Variants in PREX1 observed in about 807,000 individuals in gnomAD.
The protein encoded by PREX1 is phosphatidylinositol-3,4,5-trisphosphate dependent Rac exchange factor 1, also known as phosphatidylinositol 3,4,5-trisphosphate-dependent Rac exchanger 1 protein.
PREX1 carries 41 observed loss-of-function variants against 198.3 expected under a neutral mutation model. That is an observed-to-expected ratio of 0.21 (90% CI 0.16 to 0.27). The LOEUF (loss-of-function observed/expected upper bound fraction) is 0.27, where lower values mean the gene tolerates loss of function less well. Among genes scored for constraint, PREX1 ranks in the 10% least tolerant of loss-of-function variants. The pLI, the probability that PREX1 is intolerant of heterozygous loss-of-function variation, is 1.00. For missense variants in PREX1, 1,620 were observed against 2,200.7 expected, an observed-to-expected ratio of 0.74 and a Z score of 5.28; for synonymous variants, 843 against 887.2, an observed-to-expected ratio of 0.95 and a Z score of 0.89.
rs2089366647 is a variant in PREX1 at position 48,636,616 on chromosome 20, G to A, written c.4014C>T (p.Phe1338=). The change falls in exon 32 of 40, where the codon TTC becomes TTT. Residue 1338 remains phenylalanine, a synonymous_variant. Coordinates refer to ENST00000371941, the MANE Select transcript of PREX1 (RefSeq NM_020820.4). ...CCAGGGCCGCCAGCAGCTGCTTGGA[G>A]AAGGTGCACACGGCGGCCACCAGGG... is the stretch of plus-strand genomic sequence containing the variant. ...CQALVAAVCT[F]SKQLLAALGY... The A allele has an allele frequency of 6.2e-7, 1 of 1,611,790 alleles. No individual in the cohort carries two copies. Among genetic ancestry groups the A allele is most frequent in the Non-Finnish European group, 8.5e-7 (1 of 1,179,614 alleles).
rs2089285384 is a variant in PREX1, at chr20:48,627,903, C to A, written c.4827G>T (p.Leu1609=). The change falls in exon 38 of 40, where the codon CTG becomes CTT. Residue 1609 remains leucine (L), a synonymous_variant. Coordinates refer to ENST00000371941, the MANE Select transcript of PREX1 (RefSeq NM_020820.4). ...CCGTGGCCTGCATGATGCACTTGGG[C>A]AGCAACCCGTGGCTCCGTGCCAAGA... The part of the protein sequence containing the change: ...AAILARSHGL[L]PKCIMQATDI... 1 of 1,613,036 alleles carries A rather than the reference C, an allele frequency of 6.2e-7. No homozygotes were observed. Among genetic ancestry groups the A allele is most frequent in the Non-Finnish European group, 8.5e-7 (1 of 1,179,916 alleles).
rs140630822 is a variant in PREX1 at position 48,651,464 on chromosome 20, C to T, written c.2587G>A (p.Ala863Thr). 5,862 of 1,614,124 alleles carry T rather than the reference C, an allele frequency of 3.6e-3. 14 individuals are homozygous for T. Among genetic ancestry groups the T allele is most frequent in the Non-Finnish European group, 4.2e-3 (4,912 of 1,180,008 alleles). Reference sequence around the variant, plus strand: ...TCCAGCACATGGCACCTGACGCCTGCCGTGCTCACATACTCATACACCACG... The same window carrying T: ...TCCAGCACATGGCACCTGACGCCTGTCGTGCTCACATACTCATACACCACG... ...HGVVYEYVSTAGVRCHVLEKI... is the reference protein window; with the variant it reads ...HGVVYEYVSTTGVRCHVLEKI... The change falls in exon 22 of 40, where the codon GCA becomes ACA. Residue 863 changes from alanine (A) to threonine (T), a missense_variant. By Grantham distance (58) the Ala-to-Thr change is moderately conservative (BLOSUM62 0). This residue lies in a region of PREX1 where 514 missense variants were observed against 611.6 expected (regional missense o/e 0.84). Transcript: ENST00000371941.
chr20:48,691,162 G>T lies in PREX1; in HGVS notation c.1037-66C>A. On this transcript the variant is annotated intron_variant, in intron 8 of 39. Coordinates refer to ENST00000371941, the MANE Select transcript of PREX1 (RefSeq NM_020820.4). The surrounding 1 kb of genome is among the most constrained non-coding windows in gnomAD (Gnocchi z 5.0). ...CGCGTGACCTTCAACACTCCCCATTGCCAAGCCCTTCCGCCCCAGCACAGG... is the reference window on the plus strand; with the variant it reads ...CGCGTGACCTTCAACACTCCCCATTTCCAAGCCCTTCCGCCCCAGCACAGG... 1 of 1,601,558 alleles carries T rather than the reference G, an allele frequency of 6.2e-7. No homozygotes were observed. The highest frequency in any genetic ancestry group is 8.5e-7 in the Non-Finnish European group (1 of 1,170,000).
In PREX1 at chr20:48,819,726, G is replaced by A. The variant is rs975157795; in HGVS notation, c.219+7916C>T. On this transcript the variant is annotated intron_variant, in intron 1 of 39. Coordinates refer to ENST00000371941, the MANE Select transcript of PREX1 (RefSeq NM_020820.4). ...TGACAACTCTGGTCCTTTTCTCAAG[G>A]GATTTCTTTTTGCGGTGTCTGAAGA... is the stretch of plus-strand genomic sequence containing the variant. Among the ~76,000 whole-genome samples, 7 of 152,330 alleles carry A rather than the reference G, an allele frequency of 4.6e-5. 1 individual carries two copies. Among genetic ancestry groups the A allele is most frequent in the Admixed American group, 4.6e-4 (7 of 15,308 alleles).
In PREX1 at chr20:48,792,857, G is replaced by A. The variant is rs576887382; in HGVS notation, c.219+34785C>T. The stretch of plus-strand genomic sequence containing the variant: ...ACACACACACACACACACACACATA[G>A]TATGATTCCATTTATATCCATTTAT... On this transcript the variant is annotated intron_variant, in intron 1 of 39. Transcript: ENST00000371941. Among the ~76,000 whole-genome samples, 128 of 83,390 alleles carry A rather than the reference G, an allele frequency of 1.5e-3. 2 individuals carry two copies. The South Asian group carries it at 0.033, about 21-fold the overall frequency. The allele number at this position is 83,390 out of a possible 152,430, so 54.7% of individuals were successfully genotyped here. A position where few individuals can be genotyped will look rare whatever the true frequency, so the allele number is the denominator to read the frequency against.
At chr20:48,780,235 C>T (rs967403213) in intron 1 of PREX1, among the ~76,000 whole-genome samples, 1 of 152,196 alleles carries the variant, frequency 6.6e-6, no homozygotes, top group Admixed American at 6.5e-5. Flanking sequence ...GCTAGGGGTC[C>T]TTAAAGAACT....
chr20:48,803,188 A>C (rs192999841), intron 1 of PREX1, among the ~76,000 whole-genome samples: 123 of 152,296 alleles, frequency 8.1e-4, no homozygotes, highest in African/African-American at 2.8e-3. Flanking sequence ...CTGGGAACCA[A>C]AAGGCTCACG....
chr20:48,629,670 GC>G, intron 36 of PREX1, 49 bp from the exon 37 acceptor site: 1 of 1,575,816 alleles, frequency 6.3e-7, no homozygotes, highest in Non-Finnish European at 8.7e-7. Context: ...GGTCCTCACA[GC>G]CCCTCAGCCC....
At chr20:48,680,031 G>T (rs569080557) in intron 11 of PREX1, among the ~76,000 whole-genome samples, 3 of 152,114 alleles carry the variant, frequency 2.0e-5, no homozygotes, top group Non-Finnish European at 2.9e-5. Flanking sequence ...CATCTACAGG[G>T]GTGAGGGACC....
At chr20:48,770,078 T>A (rs1045719263) in intron 1 of PREX1, among the ~76,000 whole-genome samples, 2 of 152,236 alleles carry the variant, frequency 1.3e-5, no homozygotes, top group Non-Finnish European at 2.9e-5. Flanking sequence ...CTGCTAAGAA[T>A]ATGTGCTATC....
intron 1 of PREX1, among the ~76,000 whole-genome samples, chr20:48,769,677 G>A (rs901069987): frequency 2.0e-5 from 3 of 152,112 alleles, no homozygotes; most frequent in Non-Finnish European, 2.9e-5. Context: ...CCTCTGCCTG[G>A]AACGCCTGTC....
intron 1 of PREX1, among the ~76,000 whole-genome samples, chr20:48,792,373 G>C (rs2090342438): frequency 6.6e-6 from 1 of 152,082 alleles, no homozygotes; most frequent in Non-Finnish European, 1.5e-5. Context: ...AGGAGGCTGA[G>C]GCAGGAGAAT....
At position 48,692,338 on chromosome 20, in the gene PREX1, G is replaced by T. The variant is rs781717861; in HGVS notation, c.1036+334C>A. ...ACCACTTACATAAGGCTCAAAAATA[G>T]AAATTTTAATTAAAATGTTTAGTCA... On this transcript the variant is annotated intron_variant, in intron 8 of 39. Transcript: ENST00000371941. 1.4e-5 allele frequency: 3 copies of T among 218,126 alleles called. No homozygotes were observed. The Admixed American group carries it at 1.5e-4, about 11-fold the overall frequency. 13.5% of individuals were successfully genotyped at this position (218,126 alleles called of 1,614,324 possible). A position where few individuals can be genotyped will look rare whatever the true frequency, so the allele number is the denominator to read the frequency against.
intron 18 of PREX1, among the ~76,000 whole-genome samples, 165 bp downstream of exon 18, chr20:48,656,875 A>T (rs1469608841): frequency 6.6e-6 from 1 of 152,042 alleles, no homozygotes; most frequent in Non-Finnish European, 1.5e-5. Flanking sequence ...ACAGAGTGGC[A>T]CTCTGTAAAC....
At chr20:48,842,125 C>T in the PREX1 span, among the ~76,000 whole-genome samples, 1 of 151,834 alleles carries the variant, frequency 6.6e-6, no homozygotes, top group African/African-American at 2.4e-5. Flanking sequence ...GCTGTCAAGT[C>T]ATGCTAACCA....
chr20:48,690,304 T>G (rs776129193), intron 9 of PREX1, among the ~76,000 whole-genome samples: 9 of 152,116 alleles, frequency 5.9e-5, no homozygotes, highest in Non-Finnish European at 8.8e-5. Flanking sequence ...ATCCAAGACC[T>G]CCTGTAGCAT....
At chr20:48,661,543 GTA>G (rs1188265918) in intron 15 of PREX1, among the ~76,000 whole-genome samples, 7 of 86,298 alleles carry the variant, frequency 8.1e-5, no homozygotes, top group Non-Finnish European at 1.5e-4. Context: ...GTGTGTGTGT[GTA>G]TATATATATA....
At chr20:48,723,769 G>A (rs991820365) in intron 5 of PREX1, among the ~76,000 whole-genome samples, 5 of 152,136 alleles carry the variant, frequency 3.3e-5, no homozygotes, top group Admixed American at 3.3e-4. Flanking sequence ...AATCCCACCA[G>A]ACCAAACTCT....
At chr20:48,709,291 A>G (rs1415230999) in intron 5 of PREX1, among the ~76,000 whole-genome samples, 1 of 152,150 alleles carries the variant, frequency 6.6e-6, no homozygotes, top group African/African-American at 2.4e-5. Flanking sequence ...AACACGCCCA[A>G]TAGCTCCAGT....
Sources: allele counts gnomAD v4.1 joint callset (sites outside exome capture counted in the v4.1 genomes callset), GRCh38; gene constraint gnomAD v4.1.1; regional missense constraint gnomAD v4.1.1; non-coding constraint Gnocchi (gnomAD v3.1); transcripts MANE v1.5; gene names NCBI Gene and HGNC (gene_info 2026-07-23, HGNC 2026-07-21).